The following PCDHGB3 variants were observed in gnomAD, a reference collection of about 807,000 sequenced individuals.
PCDHGB3 encodes the protein protocadherin gamma subfamily B, 3, also known as protocadherin gamma-B3.
Under a neutral mutation model 59.2 loss-of-function variants are expected in PCDHGB3, and 40 were observed. The observed-to-expected ratio is 0.68, with a 90% CI of 0.52 to 0.88. The LOEUF (loss-of-function observed/expected upper bound fraction) is 0.88. Among genes scored for constraint, PCDHGB3 ranks in the 40% least tolerant of loss-of-function variants. PCDHGB3 has a pLI of 0.00. For synonymous variants in PCDHGB3, 581 were observed against 503.6 expected, an observed-to-expected ratio of 1.15 and a Z score of -2.06; for missense variants, 1,309 against 1,187.9, an observed-to-expected ratio of 1.10 and a Z score of -1.50.
In PCDHGB3 at chr5:141,389,898, GA is replaced by G. The variant is rs916636012; in HGVS notation, c.2415+17090del. ...CGACAGCTTGCAGGAGGTGCTGCCGGATATCACTGACCGCCCCGACCCCTCT... is the reference window on the plus strand; with the variant it reads ...CGACAGCTTGCAGGAGGTGCTGCCGGTATCACTGACCGCCCCGACCCCTCT... On this transcript the variant is annotated intron_variant, in intron 1 of 3. Coordinates refer to ENST00000576222, the MANE Select transcript of PCDHGB3 (RefSeq NM_018924.5). 3.1e-6 allele frequency: 5 copies of G among 1,613,952 alleles called. No homozygotes were observed. In the African/African-American group the frequency reaches 5.3e-5, roughly 17 times the overall value.
Position 141,409,934 on chromosome 5 carries a change from G to A in PCDHGB3, c.2415+37125G>A. The A allele has an allele frequency of 1.9e-6, 3 of 1,613,362 alleles. No individual in the cohort carries two copies. Among genetic ancestry groups the A allele is most frequent in the South Asian group, 2.2e-5 (2 of 91,074 alleles). On this transcript the variant is annotated intron_variant, in intron 1 of 3. Transcript: ENST00000576222. ...TGACGGCTCCGCGTTCTTCGATATG[G>A]TACCTCGCTCTGCAGAGCCCGGCTA...
At chr5:141,445,855 T>C (rs1432695384) in intron 1 of PCDHGB3, among the ~76,000 whole-genome samples, 1 of 152,222 alleles carries the variant, frequency 6.6e-6, no homozygotes, top group Non-Finnish European at 1.5e-5. Flanking sequence ...CTTAAAATTC[T>C]GGATTTTGTT....
At position 141,511,423 on chromosome 5, in the gene PCDHGB3, A is replaced by G. The variant is rs1301463531; in HGVS notation, c.*250A>G. On this transcript the variant is annotated 3_prime_UTR_variant, in exon 4 of 4. Transcript: ENST00000576222. ...AATCAACTGCTGTACCCATGGGGGTAGTGGGGTTACTGTAGACACCAAGAA... is the reference window on the plus strand; with the variant it reads ...AATCAACTGCTGTACCCATGGGGGTGGTGGGGTTACTGTAGACACCAAGAA... 15 of 818,384 alleles carry G rather than the reference A, an allele frequency of 1.8e-5. No homozygotes were observed. Among genetic ancestry groups the G allele is most frequent in the East Asian group, 3.0e-5 (1 of 33,874 alleles). 50.7% of individuals were successfully genotyped at this position (818,384 alleles called of 1,614,324 possible). A position where few individuals can be genotyped will look rare whatever the true frequency, so the allele number is the denominator to read the frequency against.
intron 1 of PCDHGB3, chr5:141,405,016 C>T: frequency 6.2e-7 from 1 of 1,614,006 alleles, no homozygotes; most frequent in Non-Finnish European, 8.5e-7. Flanking sequence ...AGGCCTCAGA[C>T]CTTACCCTCT....
chr5:141,464,310 A>T lies in PCDHGB3; in HGVS notation c.2416-30497A>T, dbSNP rs1327900308. ...AAAAAACTCCATTGTATGTGCACAT[A>T]TCATTATCTGTTCAACCCATCTATG... On this transcript the variant is annotated intron_variant, in intron 1 of 3. Coordinates refer to ENST00000576222, the MANE Select transcript of PCDHGB3 (RefSeq NM_018924.5). 2.0e-5 allele frequency among the ~76,000 whole-genome samples: 3 copies of T among 151,494 alleles called. No homozygotes were observed. The East Asian group carries it at 5.8e-4, about 29-fold the overall frequency.
intron 1 of PCDHGB3, among the ~76,000 whole-genome samples, chr5:141,433,761 T>G (rs2154555909): frequency 6.7e-6 from 1 of 148,664 alleles, no homozygotes; most frequent in Admixed American, 6.8e-5. Context: ...TGCTTTAACC[T>G]GGGAGGTGGA....
rs1272166319 is a variant in PCDHGB3, at chr5:141,370,826, A to C, written c.432A>C (p.Glu144Asp). ...SQNITELEISELALTGATFAL... is the reference protein window; with the variant it reads ...SQNITELEISDLALTGATFAL... Reference sequence around the variant, plus strand: ...ATATCACTGAGCTGGAAATCAGCGAACTGGCTCTCACTGGAGCCACATTTG... The same window carrying C: ...ATATCACTGAGCTGGAAATCAGCGACCTGGCTCTCACTGGAGCCACATTTG... Residue 144 changes from glutamate (E) to aspartate (D), a missense_variant, in exon 1 of 4, where the codon GAA becomes GAC. Coordinates refer to ENST00000576222, the MANE Select transcript of PCDHGB3 (RefSeq NM_018924.5). The C allele has an allele frequency of 1.1e-5, 18 of 1,613,884 alleles. No homozygotes were observed. The Admixed American group carries it at 3.0e-4, about 27-fold the overall frequency.
intron 1 of PCDHGB3, among the ~76,000 whole-genome samples, chr5:141,425,114 T>A (rs537694464): frequency 5.9e-5 from 9 of 152,326 alleles, no homozygotes; most frequent in African/African-American, 2.2e-4. Context: ...TGCCTACATT[T>A]TTCTTGAAGT....
At chr5:141,392,676 C>T in intron 1 of PCDHGB3, 1 of 917,280 alleles carries the variant, frequency 1.1e-6, no homozygotes, top group East Asian at 2.7e-5. Context: ...AACTGCTGGA[C>T]TGCAGCGAAA....
In PCDHGB3 at chr5:141,485,629, C is replaced by G. The variant is rs1028146827; in HGVS notation, c.2416-9178C>G. The G allele has an allele frequency of 1.2e-6, 2 of 1,611,902 alleles. No individual in the cohort carries two copies. The highest frequency in any genetic ancestry group is 3.3e-5 in the Admixed American group (2 of 59,922). On this transcript the variant is annotated intron_variant, in intron 1 of 3. Coordinates refer to ENST00000576222, the MANE Select transcript of PCDHGB3 (RefSeq NM_018924.5). This position sits in a 1 kb window ranked among gnomAD's most constrained non-coding sequence, Gnocchi z 5.7. ...AGGCAGCTCCTCCAGGACAGCGTTTCCCGTTGGAAAAGGCTCAGGATGCAG... is the reference window on the plus strand; with the variant it reads ...AGGCAGCTCCTCCAGGACAGCGTTTGCCGTTGGAAAAGGCTCAGGATGCAG...
intron 1 of PCDHGB3, chr5:141,399,059 A>G (rs769553635): frequency 1.2e-6 from 2 of 1,613,764 alleles, no homozygotes; most frequent in Middle Eastern, 1.6e-4. Context: ...ACCAAGGAAT[A>G]TTCAATGGTT....
At position 141,372,738 on chromosome 5, in the gene PCDHGB3, T is replaced by C; in HGVS notation, c.2344T>C (p.Cys782Arg). ...AENAAPQDLL[C>R]DEASWFESND... ...AAATGCTGCACCACAAGATCTTCTA[T>C]GTGATGAAGCCTCTTGGTTTGAAAG... The change falls in exon 1 of 4, where the codon TGT becomes CGT. Residue 782 changes from cysteine (C) to arginine (R), a missense_variant. By Grantham distance (180) the Cys-to-Arg change is radical. Transcript: ENST00000576222. The C allele has an allele frequency of 6.2e-7, 1 of 1,613,740 alleles. No homozygotes were observed. Among genetic ancestry groups the C allele is most frequent in the Non-Finnish European group, 8.5e-7 (1 of 1,179,700 alleles).
intron 1 of PCDHGB3, chr5:141,478,169 G>A (rs2099436111): frequency 1.2e-6 from 2 of 1,613,716 alleles, no homozygotes; most frequent in Admixed American, 1.7e-5. Flanking sequence ...TGCCCCCCGG[G>A]AGCAGAAAAA....
rs17097251 is a variant in PCDHGB3 at position 141,383,615 on chromosome 5, C to T, written c.2415+10806C>T. On this transcript the variant is annotated intron_variant, in intron 1 of 3. Coordinates refer to ENST00000576222, the MANE Select transcript of PCDHGB3 (RefSeq NM_018924.5). ...ACAGTGGTGGATGTGAATGACCACA[C>T]GCCTGTCTTCTCTCTGCCTCAGTAC... 8,353 of 1,613,802 alleles carry T rather than the reference C, an allele frequency of 5.2e-3. 355 individuals are homozygous for T. The African/African-American group carries it at 0.098, about 19-fold the overall frequency.
intron 1 of PCDHGB3, among the ~76,000 whole-genome samples, chr5:141,442,913 AACT>A (rs1163578304): frequency 6.6e-6 from 1 of 152,214 alleles, no homozygotes. Flanking sequence ...TTCAGCACAC[AACT>A]GTTTCATTTT....
chr5:141,374,131 C>T (rs1425329910), intron 1 of PCDHGB3: 4 of 1,604,596 alleles, frequency 2.5e-6, no homozygotes, highest in Non-Finnish European at 8.5e-7. Context: ...AGGTCCTGCT[C>T]CTCACGCTCC....
rs70988800 is a variant in PCDHGB3, at chr5:141,379,889, C to CTTTTTTTTTTTTTTTTTTTT, written c.2415+7091_2415+7110dup. 2.5e-3 allele frequency among the ~76,000 whole-genome samples: 127 copies of CTTTTTTTTTTTTTTTTTTTT among 50,836 alleles called. 11 individuals carry two copies. The highest frequency in any genetic ancestry group is 3.1e-3 in the Non-Finnish European group (79 of 25,888). The allele number at this position is 50,836 out of a possible 152,430, so 33.4% of individuals were successfully genotyped here. On this transcript the variant is annotated intron_variant, in intron 1 of 3. Transcript: ENST00000576222. ...CTTATTTTATGGTCTGTGAAAGCCT[C>CTTTTTTTTTTTTTTTTTTTT]TTTTTTTTTTTTTTTTTTTTTTTTT...
intron 1 of PCDHGB3, chr5:141,378,340 T>G (rs887140006): frequency 2.0e-5 from 3 of 152,166 alleles, no homozygotes; most frequent in African/African-American, 7.2e-5. Context: ...CTGACCAACA[T>G]GGTGAAACCC....
intron 1 of PCDHGB3, chr5:141,414,845 T>C: frequency 1.2e-6 from 2 of 1,614,218 alleles, no homozygotes; most frequent in South Asian, 1.1e-5. Flanking sequence ...CTGTTTGTGC[T>C]GGACCAGAAC....
Sources: gnomAD v4.1 joint callset for allele counts (sites outside exome capture counted in the v4.1 genomes callset) on GRCh38, gnomAD v4.1.1 for gene constraint, Gnocchi (gnomAD v3.1) non-coding constraint, MANE v1.5 for transcripts, NCBI Gene and HGNC (gene_info 2026-07-23, HGNC 2026-07-21) for gene names.